Variants in ATP6V0A1 observed in about 807,000 individuals in gnomAD.
The protein encoded by ATP6V0A1 is V-type proton ATPase 116 kDa subunit a 1.
Under a neutral mutation model 105.4 loss-of-function variants are expected in ATP6V0A1, and 43 were observed. That is an observed-to-expected ratio of 0.41 (90% confidence interval 0.32 to 0.53). ATP6V0A1 has a LOEUF of 0.53. Ranked by LOEUF, ATP6V0A1 falls within the 20% of genes least tolerant of loss-of-function variation. The pLI is 0.30. For missense variants in ATP6V0A1, 676 were observed against 1,051.1 expected (o/e 0.64, Z 4.93); for synonymous variants, 362 against 372.8 (o/e 0.97, Z 0.33).
chr17:42,502,495 C>T (rs8066362), intron 17 of ATP6V0A1, among the ~76,000 whole-genome samples: 2,406 of 136,726 alleles, frequency 0.018, 56 homozygotes, highest in African/African-American at 0.084. Context: ...ATTCTGCGCG[C>T]GCACACACAC....
At chr17:42,518,621 C>T (rs1277279878) in intron 21 of ATP6V0A1, 3 of 152,252 alleles carry the variant, frequency 2.0e-5, no homozygotes, top group Admixed American at 1.3e-4. Flanking sequence ...GTTCCTGTTA[C>T]GTGGCATGAA....
intron 4 of ATP6V0A1, among the ~76,000 whole-genome samples, chr17:42,469,476 A>G (rs1030949158): frequency 2.6e-5 from 4 of 151,432 alleles, no homozygotes; most frequent in South Asian, 2.1e-4. Context: ...GATTACAGGC[A>G]TGCACCACTG....
intron 2 of ATP6V0A1, among the ~76,000 whole-genome samples, chr17:42,462,018 G>A (rs1485016326): frequency 6.9e-6 from 1 of 145,476 alleles, no homozygotes; most frequent in Non-Finnish European, 1.5e-5. Context: ...ACCAGTCTGG[G>A]CAACATAGGG....
chr17:42,473,951 C>CT (rs1345268363), intron 5 of ATP6V0A1, among the ~76,000 whole-genome samples: 22 of 151,592 alleles, frequency 1.5e-4, no homozygotes, highest in African/African-American at 5.1e-4. Flanking sequence ...AAGGCAGACT[C>CT]TAAGTCTTCA....
At position 42,461,093 on chromosome 17, in the gene ATP6V0A1, T is replaced by G; in HGVS notation, c.117+82T>G. The G allele has an allele frequency of 4.1e-6, 5 of 1,215,154 alleles. 1 individual carries two copies. The highest frequency in any genetic ancestry group is 6.1e-6 in the Non-Finnish European group (5 of 825,898). 75.3% of individuals were successfully genotyped at this position (1,215,154 alleles called of 1,614,324 possible). On this transcript the variant is annotated intron_variant, in intron 2 of 21. Transcript: ENST00000343619. ...CAGATGCCTTATGATGAATGTTTTG[T>G]TTTTTATTTGCAAAAATAACATTAT... is the stretch of plus-strand genomic sequence containing the variant.
chr17:42,474,422 C>T (rs912559343), intron 5 of ATP6V0A1, among the ~76,000 whole-genome samples: 3 of 152,122 alleles, frequency 2.0e-5, no homozygotes, highest in Non-Finnish European at 4.4e-5. Flanking sequence ...CCTTCCATTC[C>T]CAGCAGTCTC....
chr17:42,474,105 C>A (rs1007411952), intron 5 of ATP6V0A1, among the ~76,000 whole-genome samples: 2 of 151,642 alleles, frequency 1.3e-5, no homozygotes, highest in Non-Finnish European at 2.9e-5. Flanking sequence ...CGGGTTCAAG[C>A]GATTCTCCTG....
intron 5 of ATP6V0A1, among the ~76,000 whole-genome samples, chr17:42,472,589 T>C (rs2145753193): frequency 6.6e-6 from 1 of 151,920 alleles, no homozygotes; most frequent in African/African-American, 2.4e-5. Flanking sequence ...CCAGGCATGG[T>C]GGCGGGCGCC....
intron 7 of ATP6V0A1, 26 bp downstream of exon 7, chr17:42,478,615 G>T (rs757417401): frequency 5.2e-6 from 8 of 1,544,004 alleles, no homozygotes; most frequent in Middle Eastern, 1.7e-4. Flanking sequence ...TGCATCCTGT[G>T]GAGTAGGTCT....
intron 5 of ATP6V0A1, among the ~76,000 whole-genome samples, chr17:42,475,856 T>C (rs192917850): frequency 9.6e-4 from 147 of 152,354 alleles, no homozygotes; most frequent in Admixed American, 3.5e-3. Flanking sequence ...TGTTTTTTAT[T>C]CTCAGAGAGT....
At chr17:42,477,107 C>T (rs2088851395) in intron 5 of ATP6V0A1, among the ~76,000 whole-genome samples, 1 of 152,208 alleles carries the variant, frequency 6.6e-6, no homozygotes, top group Non-Finnish European at 1.5e-5. Context: ...GACTTCACAG[C>T]ATTCAAAGAC....
intron 10 of ATP6V0A1, among the ~76,000 whole-genome samples, chr17:42,487,627 C>T (rs2090230358): frequency 1.3e-5 from 2 of 152,170 alleles, no homozygotes; most frequent in African/African-American, 4.8e-5. Context: ...ACTCTGGAGA[C>T]TGAGGCAGAA....
At chr17:42,497,592 G>C (rs2091297824) in intron 14 of ATP6V0A1, among the ~76,000 whole-genome samples, 1 of 151,080 alleles carries the variant, frequency 6.6e-6, no homozygotes, top group Admixed American at 6.6e-5. Flanking sequence ...AGAATTGCTT[G>C]AACCCAGGAG....
chr17:42,467,965 G>A (rs1454100777), intron 3 of ATP6V0A1, 45 bp from the exon 4 acceptor site: 17 of 1,347,566 alleles, frequency 1.3e-5, no homozygotes, highest in Non-Finnish European at 1.6e-5. Context: ...TGGCAATTAC[G>A]AGCATGTGCA....
intron 7 of ATP6V0A1, among the ~76,000 whole-genome samples, chr17:42,479,675 T>A (rs11079048): frequency 6.6e-6 from 1 of 152,212 alleles, no homozygotes; most frequent in Non-Finnish European, 1.5e-5. Flanking sequence ...CAGCTGCAGG[T>A]CTTTCATCCT....
intron 1 of ATP6V0A1, among the ~76,000 whole-genome samples, chr17:42,459,783 C>T (rs533534895): frequency 6.6e-6 from 1 of 152,306 alleles, no homozygotes; most frequent in Non-Finnish European, 1.5e-5. Context: ...GTGTTACTGT[C>T]TTGAACATCA....
intron 5 of ATP6V0A1, among the ~76,000 whole-genome samples, chr17:42,475,307 T>C (rs2088582214): frequency 6.6e-6 from 1 of 152,368 alleles, no homozygotes; most frequent in Non-Finnish European, 1.5e-5. Flanking sequence ...GAAGTTCTTC[T>C]ACTTCCTTTT....
At chr17:42,466,387 A>G in intron 2 of ATP6V0A1, 42 bp from the exon 3 acceptor site, 1 of 1,506,148 alleles carries the variant, frequency 6.6e-7, no homozygotes, top group Non-Finnish European at 9.2e-7. Context: ...GAAGAAATAG[A>G]TACAATATTT....
At chr17:42,518,888 A>G (rs1336369712) in intron 21 of ATP6V0A1, 1 of 152,214 alleles carries the variant, frequency 6.6e-6, no homozygotes, top group Admixed American at 6.5e-5. Flanking sequence ...GGGGAACTTC[A>G]TGTTTGTACT....
Sources: gnomAD v4.1 joint callset for allele counts (sites outside exome capture counted in the v4.1 genomes callset) on GRCh38, gnomAD v4.1.1 for gene constraint, MANE v1.5 for transcripts, NCBI Gene and HGNC (gene_info 2026-07-23, HGNC 2026-07-21) for gene names.